The following ZNF124 variants were observed in gnomAD, a reference collection of about 807,000 sequenced individuals.
ZNF124 encodes zinc finger protein 124.
A neutral mutation model predicts 26.6 loss-of-function variants in ZNF124; 25 were observed. That is an observed-to-expected ratio of 0.94 (90% confidence interval 0.68 to 1.31). The LOEUF (loss-of-function observed/expected upper bound fraction) is 1.31, where lower values mean the gene tolerates loss of function less well. Among genes scored for constraint, ZNF124 ranks in the 40% most tolerant of loss-of-function variants. The probability of loss-of-function intolerance (pLI) is 0.00; values close to 1 mark genes in which losing one functional copy is unlikely to be tolerated. For synonymous variants in ZNF124, 129 were observed against 133.3 expected, an observed-to-expected ratio of 0.97 and a Z score of 0.22; for missense variants, 444 against 422.2, an observed-to-expected ratio of 1.05 and a Z score of -0.45.
chr1:247,138,493 T>TA (rs997604535), intron 3 of ZNF124: 3 of 323,200 alleles, frequency 9.3e-6, no homozygotes, highest in African/African-American at 4.3e-5. Flanking sequence ...GGAGGGAACT[T>TA]AGAGGACAGG....
At chr1:247,124,690 T>G (rs1460686560) in intron 3 of ZNF124, among the ~76,000 whole-genome samples, 3 of 152,230 alleles carry the variant, frequency 2.0e-5, no homozygotes, top group African/African-American at 7.2e-5. Flanking sequence ...ACATTTCATA[T>G]AAAAATAAAA....
downstream of ZNF124, among the ~76,000 whole-genome samples, chr1:247,152,808 T>TA (rs549284114): frequency 5.3e-5 from 8 of 152,278 alleles, no homozygotes; most frequent in South Asian, 1.2e-3. Flanking sequence ...GATGAGTGAA[T>TA]AAACATATGA....
chr1:247,166,426 G>A (rs900985642), intron 1 of ZNF124, among the ~76,000 whole-genome samples: 6 of 152,198 alleles, frequency 3.9e-5, no homozygotes, highest in African/African-American at 9.7e-5. Flanking sequence ...GTTCACTGTA[G>A]CATTATTCAC....
chr1:247,131,665 G>T (rs1385384861), intron 3 of ZNF124, among the ~76,000 whole-genome samples: 2 of 152,178 alleles, frequency 1.3e-5, no homozygotes, highest in African/African-American at 4.8e-5. Context: ...ACCGGCTGTG[G>T]CAGTTTGCAG....
chr1:247,159,819 A>C lies in ZNF124; in HGVS notation c.31-6T>G. 6.2e-7 allele frequency: 1 copy of C among 1,608,194 alleles called. No homozygotes were observed. The highest frequency in any genetic ancestry group is 8.5e-7 in the Non-Finnish European group (1 of 1,178,590). ...TCCTCAAAGGCAACCGAGTTCTAAA[A>C]TATTCCACATTTTTGTAGAGGATGG... On this transcript the variant is annotated splice_polypyrimidine_tract_variant and splice_region_variant and intron_variant, in intron 1 of 3. Coordinates refer to ENST00000543802, the MANE Select transcript of ZNF124 (RefSeq NM_001297568.2).
intron 3 of ZNF124, among the ~76,000 whole-genome samples, chr1:247,148,736 A>G (rs1357717050): frequency 1.3e-5 from 2 of 152,144 alleles, no homozygotes; most frequent in Non-Finnish European, 1.5e-5. Context: ...CGAGGCGGGC[A>G]GATCACGAGG....
exon 4 of ZNF124, chr1:247,122,498 GT>G (rs1037483465): frequency 2.5e-4 from 38 of 152,338 alleles, no homozygotes; most frequent in African/African-American, 8.9e-4. Flanking sequence ...CCCATCAACA[GT>G]GAAGTGGATA....
chr1:247,150,812 AT>A (rs1444085691), downstream of ZNF124, among the ~76,000 whole-genome samples: 9 of 152,092 alleles, frequency 5.9e-5, no homozygotes, highest in African/African-American at 1.9e-4. Context: ...ATACATCCTC[AT>A]TTAAAAAACA....
rs185396166 is a variant in ZNF124 at position 247,139,464 on chromosome 1, C to T, written c.219-15593G>A. Among the ~76,000 whole-genome samples, 51 of 152,286 alleles carry T rather than the reference C, an allele frequency of 3.3e-4. No individual in the cohort carries two copies. In the East Asian group the frequency reaches 6.9e-3, roughly 21 times the overall value. ...CCTTCTTATGGAGCTTGCCATTGTG[C>T]GCCTTTTAAGCAGGGCATTTAGCCT... On this transcript the variant is annotated intron_variant, in intron 3 of 3. Transcript: ENST00000472531.
Position 247,154,997 on chromosome 1 carries a change from C to G in ZNF124, c.*1569G>C, listed in dbSNP as rs1368501687. 1.3e-5 allele frequency among the ~76,000 whole-genome samples: 2 copies of G among 152,158 alleles called. No homozygotes were observed. Among genetic ancestry groups the G allele is most frequent in the Non-Finnish European group, 2.9e-5 (2 of 68,030 alleles). On this transcript the variant is annotated 3_prime_UTR_variant, in exon 4 of 4. Coordinates refer to ENST00000543802, the MANE Select transcript of ZNF124 (RefSeq NM_001297568.2). Reference sequence around the variant, plus strand: ...AACAGCAGGAAACTTTCTCAACCTGCTTTAAGGAATTTATTTTAAAAACCC... The same window carrying G: ...AACAGCAGGAAACTTTCTCAACCTGGTTTAAGGAATTTATTTTAAAAACCC...
rs181120520 is a variant in ZNF124 at position 247,144,636 on chromosome 1, G to A, written c.218+14370C>T. ...AATCCTAACCCAAGGAGGACTGAGGGCTGTGTGGCTTTATATTCCACTTTT... is the reference window on the plus strand; with the variant it reads ...AATCCTAACCCAAGGAGGACTGAGGACTGTGTGGCTTTATATTCCACTTTT... On this transcript the variant is annotated intron_variant, in intron 3 of 3. Coordinates refer to the ZNF124 transcript ENST00000472531. 3.1e-3 allele frequency among the ~76,000 whole-genome samples: 466 copies of A among 152,284 alleles called. 4 individuals are homozygous for A. Among genetic ancestry groups the A allele is most frequent in the Admixed American group, 4.0e-3 (61 of 15,302 alleles).
At chr1:247,132,399 A>G (rs572330772) in intron 3 of ZNF124, among the ~76,000 whole-genome samples, 1 of 152,316 alleles carries the variant, frequency 6.6e-6, no homozygotes, top group South Asian at 2.1e-4. Context: ...AATGATCACA[A>G]CATCTCTCCA....
intron 1 of ZNF124, among the ~76,000 whole-genome samples, chr1:247,163,001 T>C (rs917174868): frequency 6.6e-6 from 1 of 152,190 alleles, no homozygotes; most frequent in Middle Eastern, 3.4e-3. Flanking sequence ...CAGCTGCACA[T>C]GGCACATACT....
intron 3 of ZNF124, chr1:247,149,736 A>AT (rs1672878059): frequency 6.6e-6 from 1 of 152,260 alleles, no homozygotes; most frequent in Non-Finnish European, 1.5e-5. Flanking sequence ...TATAAGATGA[A>AT]TAAGTTCTGG....
intron 3 of ZNF124, among the ~76,000 whole-genome samples, chr1:247,133,981 A>G (rs1341416544): frequency 6.6e-6 from 1 of 152,140 alleles, no homozygotes; most frequent in East Asian, 1.9e-4. Flanking sequence ...AGAATTTTCA[A>G]CTCAGAATTT....
chr1:247,140,594 G>A (rs1359783666), intron 3 of ZNF124, among the ~76,000 whole-genome samples: 1 of 152,190 alleles, frequency 6.6e-6, no homozygotes, highest in Non-Finnish European at 1.5e-5. Context: ...ATGTCTGCAG[G>A]TGGGTGTTCC....
At chr1:247,141,791 A>G (rs1672635099) in intron 3 of ZNF124, among the ~76,000 whole-genome samples, 2 of 152,222 alleles carry the variant, frequency 1.3e-5, no homozygotes, top group Admixed American at 6.5e-5. Flanking sequence ...CAAGCAGCCC[A>G]TATCTCAGTC....
chr1:247,165,142 A>G (rs990072380), intron 1 of ZNF124, among the ~76,000 whole-genome samples: 1 of 151,858 alleles, frequency 6.6e-6, no homozygotes, highest in African/African-American at 2.4e-5. Flanking sequence ...AATTTTTTGT[A>G]TTTTTAGTAG....
rs1673914136 is a variant in ZNF124 at position 247,168,622 on chromosome 1, A to C, written c.30+3226T>G. Among the ~76,000 whole-genome samples, 1 of 152,188 alleles carries C rather than the reference A, an allele frequency of 6.6e-6. No homozygotes were observed. Among genetic ancestry groups the C allele is most frequent in the Non-Finnish European group, 1.5e-5 (1 of 68,014 alleles). ...TGCAAAAATATGAAACAAACCTAAA[A>C]TGCCCATCAACCAATGAGGGGATAA... On this transcript the variant is annotated intron_variant, in intron 1 of 3. Transcript: ENST00000543802. The surrounding 1 kb of genome is among the most constrained non-coding windows in gnomAD (Gnocchi z 4.0).
Sources: allele counts gnomAD v4.1 joint callset (sites outside exome capture counted in the v4.1 genomes callset), GRCh38; gene constraint gnomAD v4.1.1; non-coding constraint Gnocchi (gnomAD v3.1); transcripts MANE v1.5; gene names NCBI Gene and HGNC (gene_info 2026-07-23, HGNC 2026-07-21).